WDR17: variants seen among roughly 807,000 people sequenced by gnomAD.
WDR17 encodes WD repeat-containing protein 17.
In WDR17, 143 loss-of-function variants were observed where a neutral mutation model predicts 161.7. That is an observed-to-expected ratio of 0.88 (90% CI 0.77 to 1.02). WDR17 has a LOEUF of 1.02. Among genes scored for constraint, WDR17 ranks in the 50% least tolerant of loss-of-function variants. WDR17 has a pLI of 0.00. For missense variants in WDR17, 1,469 were observed against 1,520.9 expected, an observed-to-expected ratio of 0.97 and a Z score of 0.57; for synonymous variants, 517 against 515.6, an observed-to-expected ratio of 1.00 and a Z score of -0.04.
chr4:176,105,058 G>A (rs1738482878), intron 1 of WDR17, among the ~76,000 whole-genome samples: 1 of 151,656 alleles, frequency 6.6e-6, no homozygotes, highest in Admixed American at 6.6e-5. Flanking sequence ...CATGCACAGA[G>A]TAGCAAAAAG....
chr4:176,130,548 T>C (rs940883630), intron 6 of WDR17, among the ~76,000 whole-genome samples: 29 of 151,836 alleles, frequency 1.9e-4, no homozygotes, highest in Non-Finnish European at 2.6e-4. Flanking sequence ...ATCGAGACCA[T>C]CCTGGCTAAC....
At position 176,180,529 on chromosome 4, in the gene WDR17, T is replaced by C. The variant is rs1274447486; in HGVS notation, c.*950T>C. On this transcript the variant is annotated 3_prime_UTR_variant, in exon 29 of 29. Coordinates refer to ENST00000508596, the MANE Select transcript of WDR17 (RefSeq NM_181265.4). Reference sequence around the variant, plus strand: ...TTCATGACCAGCCTGGCCAGCATGGTAAAACCCTGTCTCCACTAAAAATAC... The same window carrying C: ...TTCATGACCAGCCTGGCCAGCATGGCAAAACCCTGTCTCCACTAAAAATAC... 6.6e-6 allele frequency: 1 copy of C among 152,108 alleles called. No individual in the cohort carries two copies. The highest frequency in any genetic ancestry group is 1.5e-5 in the Non-Finnish European group (1 of 68,040). 9.4% of individuals were successfully genotyped at this position (152,108 alleles called of 1,614,324 possible).
intron 1 of WDR17, among the ~76,000 whole-genome samples, chr4:176,091,122 C>T (rs577449547): frequency 6.6e-6 from 1 of 152,114 alleles, no homozygotes; most frequent in Non-Finnish European, 1.5e-5. Flanking sequence ...TAGTTTATGG[C>T]CAGATTTGGG....
chr4:176,177,500 C>T lies in WDR17; in HGVS notation c.3578C>T (p.Pro1193Leu), dbSNP rs1337765184. ...RSLEDSPYTP[P>L]SDSQRMIYAT... is the part of the protein sequence containing the mutation. ...TTAGAAGACTCTCCGTATACACCCC[C>T]TTCTGATTCACAAAGAATGATTTAT... The change falls in exon 28 of 29, where the codon CCT becomes CTT. Residue 1193 changes from proline (P) to leucine (L), a missense_variant. Transcript: ENST00000508596. 6.3e-7 allele frequency: 1 copy of T among 1,580,188 alleles called. No homozygotes were observed. The highest frequency in any genetic ancestry group is 1.4e-5 in the African/African-American group (1 of 72,508).
intron 1 of WDR17, among the ~76,000 whole-genome samples, chr4:176,110,701 A>G (rs2126691287): frequency 6.6e-6 from 1 of 152,238 alleles, no homozygotes; most frequent in South Asian, 2.1e-4. Flanking sequence ...GATTCATAGC[A>G]TTTTTTTGAT....
At chr4:176,095,564 T>G (rs1736719793) in intron 1 of WDR17, among the ~76,000 whole-genome samples, 1 of 152,154 alleles carries the variant, frequency 6.6e-6, no homozygotes, top group Admixed American at 6.6e-5. Context: ...TATTGAAGAA[T>G]GAAACACTCA....
intron 7 of WDR17, among the ~76,000 whole-genome samples, chr4:176,134,134 TTTACCTCCAC>T (rs1462847571): frequency 1.3e-5 from 2 of 151,716 alleles, no homozygotes; most frequent in Non-Finnish European, 3.0e-5. Flanking sequence ...TTTTCTTTCC[TTTACCTCCAC>T]CTAAAGGAGA....
chr4:176,094,072 C>G (rs892200924), intron 1 of WDR17, among the ~76,000 whole-genome samples: 7 of 152,002 alleles, frequency 4.6e-5, no homozygotes, highest in African/African-American at 2.4e-5. Context: ...TGACAAAGTA[C>G]TTTTACTAAT....
At chr4:176,130,493 C>T (rs1292684322) in intron 6 of WDR17, among the ~76,000 whole-genome samples, 1 of 151,924 alleles carries the variant, frequency 6.6e-6, no homozygotes, top group Non-Finnish European at 1.5e-5. Flanking sequence ...GCCTGTAATC[C>T]CAGCACTTCG....
chr4:176,136,786 T>A (rs1561159796), intron 8 of WDR17, among the ~76,000 whole-genome samples: 1 of 151,602 alleles, frequency 6.6e-6, no homozygotes, highest in Non-Finnish European at 1.5e-5. Flanking sequence ...GGAGAGCAGT[T>A]TAAAAATGTT....
At position 176,125,200 on chromosome 4, in the gene WDR17, C is replaced by A; in HGVS notation, c.635C>A (p.Thr212Asn). Reference sequence around the variant, plus strand: ...GCCTTGGAATGGGACCCACTATCTACTGATTATCTTCTAGTGGTTAATTTG... The same window carrying A: ...GCCTTGGAATGGGACCCACTATCTAATGATTATCTTCTAGTGGTTAATTTG... ...VTALEWDPLS[T>N]DYLLVVNLHY... is the part of the protein sequence containing the mutation. Residue 212 changes from threonine to asparagine, a missense_variant, in exon 5 of 29, where the codon ACT becomes AAT. Coordinates refer to ENST00000508596, the MANE Select transcript of WDR17 (RefSeq NM_181265.4). The A allele has an allele frequency of 1.2e-6, 2 of 1,614,180 alleles. No individual in the cohort carries two copies. Among genetic ancestry groups the A allele is most frequent in the Non-Finnish European group, 1.7e-6 (2 of 1,180,018 alleles).
chr4:176,094,096 T>C (rs1244212566), intron 1 of WDR17, among the ~76,000 whole-genome samples: 1 of 152,190 alleles, frequency 6.6e-6, no homozygotes, highest in African/African-American at 2.4e-5. Context: ...AGTTTTATTT[T>C]ACTCTTAAAA....
chr4:176,106,703 G>A (rs1489802118), intron 1 of WDR17, among the ~76,000 whole-genome samples: 22 of 152,054 alleles, frequency 1.4e-4, no homozygotes, highest in Admixed American at 1.3e-3. Flanking sequence ...TCTGTGATCT[G>A]GGCACTTTGG....
At chr4:176,162,911 AG>A (rs914905564) in intron 21 of WDR17, among the ~76,000 whole-genome samples, 1 of 152,158 alleles carries the variant, frequency 6.6e-6, no homozygotes, top group Non-Finnish European at 1.5e-5. Flanking sequence ...AATAGAACCA[AG>A]GGTTCTAAAC....
intron 1 of WDR17, among the ~76,000 whole-genome samples, chr4:176,081,066 A>G (rs538950515): frequency 6.6e-6 from 1 of 151,854 alleles, no homozygotes; most frequent in African/African-American, 2.4e-5. Flanking sequence ...CTTAAGTTCT[A>G]CCTCTCCCTT....
intron 13 of WDR17, among the ~76,000 whole-genome samples, chr4:176,149,279 T>G (rs971262469): frequency 2.6e-5 from 4 of 152,120 alleles, no homozygotes; most frequent in African/African-American, 9.7e-5. Context: ...ATTTTGTTTT[T>G]TTGAAACAGA....
At chr4:176,095,658 C>T (rs961134273) in intron 1 of WDR17, among the ~76,000 whole-genome samples, 5 of 151,854 alleles carry the variant, frequency 3.3e-5, no homozygotes, top group African/African-American at 1.2e-4. Context: ...CATTATTTTA[C>T]TCATTTTCTC....
chr4:176,159,257 G>T (rs2126842571), intron 18 of WDR17, among the ~76,000 whole-genome samples: 1 of 147,322 alleles, frequency 6.8e-6, no homozygotes, highest in African/African-American at 2.6e-5. Flanking sequence ...ACGTAGATGG[G>T]AAGATACACA....
chr4:176,079,703 A>G (rs1734497837), intron 1 of WDR17, among the ~76,000 whole-genome samples: 1 of 152,108 alleles, frequency 6.6e-6, no homozygotes, highest in African/African-American at 2.4e-5. Flanking sequence ...GGTAACTTGT[A>G]AAGAAAATAA....
Sources: gnomAD v4.1 joint callset for allele counts (sites outside exome capture counted in the v4.1 genomes callset) on GRCh38, gnomAD v4.1.1 for gene constraint, MANE v1.5 for transcripts, NCBI Gene and HGNC (gene_info 2026-07-23, HGNC 2026-07-21) for gene names.